PHF24: variants seen among roughly 807,000 people sequenced by gnomAD.
PHF24 encodes the protein PHD finger protein 24.
Under a neutral mutation model 42.6 loss-of-function variants are expected in PHF24, and 25 were observed. That is an observed-to-expected ratio of 0.59 (90% CI 0.43 to 0.82). The LOEUF (loss-of-function observed/expected upper bound fraction) is 0.82. PHF24 is among the 40% of genes least tolerant of loss of function. PHF24 has a pLI of 0.00. For synonymous variants in PHF24, 185 were observed against 204.8 expected, an observed-to-expected ratio of 0.90 and a Z score of 0.83; for missense variants, 470 against 538.1, an observed-to-expected ratio of 0.87 and a Z score of 1.25.
chr9:34,768,169 A>G, the PHF24 span, among the ~76,000 whole-genome samples: 1 of 152,228 alleles, frequency 6.6e-6, no homozygotes, highest in Non-Finnish European at 1.5e-5. Context: ...CAAAGACAAA[A>G]TTAGACTCTG....
the PHF24 span, among the ~76,000 whole-genome samples, chr9:34,929,300 T>G: frequency 6.6e-6 from 1 of 152,246 alleles, no homozygotes; most frequent in Non-Finnish European, 1.5e-5. Flanking sequence ...CAGGGGAATA[T>G]GATTGGATTT....
the PHF24 span, among the ~76,000 whole-genome samples, chr9:34,797,269 A>G: frequency 6.6e-6 from 1 of 152,256 alleles, no homozygotes; most frequent in African/African-American, 2.4e-5. Flanking sequence ...TGTATTACAG[A>G]GTGCTCTTTT....
At chr9:34,909,562 AC>A in the PHF24 span, among the ~76,000 whole-genome samples, 10 of 151,936 alleles carry the variant, frequency 6.6e-5, no homozygotes, top group Admixed American at 6.6e-5. Context: ...ACTTAAGTGA[AC>A]TATTTACAGA....
the PHF24 span, among the ~76,000 whole-genome samples, chr9:34,937,751 G>A: frequency 3.3e-5 from 5 of 152,306 alleles, no homozygotes; most frequent in Non-Finnish European, 5.9e-5. Flanking sequence ...CAAGGGCCAG[G>A]AAGGGAAGAA....
the PHF24 span, among the ~76,000 whole-genome samples, chr9:34,921,356 C>CAA: frequency 7.1e-6 from 1 of 141,650 alleles, no homozygotes; most frequent in African/African-American, 2.6e-5. Flanking sequence ...AGGCAAGTAT[C>CAA]AAAAAAAAAA....
chr9:34,733,993 C>T, the PHF24 span, among the ~76,000 whole-genome samples: 6 of 152,238 alleles, frequency 3.9e-5, no homozygotes, highest in Non-Finnish European at 8.8e-5. Context: ...GTTTCTCGGG[C>T]TTCTGGATTC....
At chr9:34,761,976 T>C in the PHF24 span, among the ~76,000 whole-genome samples, 1 of 152,218 alleles carries the variant, frequency 6.6e-6, no homozygotes, top group East Asian at 1.9e-4. Flanking sequence ...GATAGTTTAC[T>C]GAGAATGGTG....
chr9:34,967,816 T>A (rs186404188), intron 1 of PHF24, among the ~76,000 whole-genome samples: 6,147 of 152,212 alleles, frequency 0.04, 217 homozygotes, highest in African/African-American at 0.095. Context: ...CTAGATTCCC[T>A]CATTAGATCA....
At chr9:34,666,586 TCAA>T in the PHF24 span, among the ~76,000 whole-genome samples, 2 of 147,024 alleles carry the variant, frequency 1.4e-5, no homozygotes, top group African/African-American at 5.0e-5. Context: ...ATTCATTCAA[TCAA>T]CAAATATTTG....
At chr9:34,729,282 A>G in the PHF24 span, 4 of 1,551,740 alleles carry the variant, frequency 2.6e-6, no homozygotes, top group Non-Finnish European at 3.5e-6. Flanking sequence ...TCACAGCCCT[A>G]CCCGGCAGCA....
chr9:34,705,956 A>G, the PHF24 span, among the ~76,000 whole-genome samples: 3 of 152,064 alleles, frequency 2.0e-5, no homozygotes, highest in African/African-American at 7.2e-5. Context: ...ATTCACCTAT[A>G]TTTTCTTCTA....
the PHF24 span, among the ~76,000 whole-genome samples, chr9:34,673,133 A>C: frequency 6.6e-6 from 1 of 152,198 alleles, no homozygotes; most frequent in Admixed American, 6.5e-5. Context: ...AGGCGGACAG[A>C]TCACCTGGGG....
At chr9:34,733,990 G>A in the PHF24 span, among the ~76,000 whole-genome samples, 14 of 152,164 alleles carry the variant, frequency 9.2e-5, no homozygotes, top group South Asian at 1.5e-3. Context: ...AGGGTTTCTC[G>A]GGCTTCTGGA....
At chr9:34,945,389 G>T in the PHF24 span, among the ~76,000 whole-genome samples, 1 of 152,214 alleles carries the variant, frequency 6.6e-6, no homozygotes, top group Non-Finnish European at 1.5e-5. Flanking sequence ...AAAATAGAGG[G>T]AATCAGAGAA....
the PHF24 span, among the ~76,000 whole-genome samples, chr9:34,854,402 G>A: frequency 2.6e-5 from 4 of 152,088 alleles, no homozygotes; most frequent in Admixed American, 1.3e-4. Context: ...GCTTTTTGAT[G>A]TGGGCATTTA....
At chr9:34,720,307 C>T in the PHF24 span, among the ~76,000 whole-genome samples, 1 of 151,926 alleles carries the variant, frequency 6.6e-6, no homozygotes, top group African/African-American at 2.4e-5. Flanking sequence ...TAGCTGGGTG[C>T]GGTGGCGGGC....
At chr9:34,977,488 G>T (rs1371278004) in intron 6 of PHF24, 58 bp from the exon 7 acceptor site, 9 of 1,512,514 alleles carry the variant, frequency 6.0e-6, no homozygotes, top group Non-Finnish European at 8.1e-6. Context: ...ACCAGAGTTT[G>T]GGAGGGGGCA....
chr9:34,723,658 C>G, the PHF24 span: 5 of 1,551,640 alleles, frequency 3.2e-6, no homozygotes, highest in Non-Finnish European at 4.4e-6. Flanking sequence ...CTGGCATCAC[C>G]AGCCCATGCA....
At chr9:34,802,615 T>C in the PHF24 span, among the ~76,000 whole-genome samples, 1 of 152,240 alleles carries the variant, frequency 6.6e-6, no homozygotes, top group Admixed American at 6.5e-5. Context: ...CCTTACCAAA[T>C]GAAACTAATT....
Sources: gnomAD v4.1 joint callset for allele counts (sites outside exome capture counted in the v4.1 genomes callset) on GRCh38, gnomAD v4.1.1 for gene constraint, MANE v1.5 for transcripts, NCBI Gene and HGNC (gene_info 2026-07-23, HGNC 2026-07-21) for gene names.